The following UGT1A9 variants were observed in gnomAD, a reference collection of about 807,000 sequenced individuals.
UGT1A9 encodes the protein UDP-glucuronosyltransferase 1A9.
A neutral mutation model predicts 45.0 loss-of-function variants in UGT1A9; 35 were observed. The observed-to-expected ratio is 0.78, with a 90% CI of 0.59 to 1.03. The LOEUF (loss-of-function observed/expected upper bound fraction) is 1.03. UGT1A9 is among the 50% of genes least tolerant of loss of function. UGT1A9 has a pLI of 0.00. For missense variants in UGT1A9, 687 were observed against 666.6 expected (o/e 1.03, Z -0.34); for synonymous variants, 278 against 250.6 (o/e 1.11, Z -1.03).
At chr2:233,721,327 T>A (rs1446598744) in intron 1 of UGT1A9, among the ~76,000 whole-genome samples, 1 of 152,156 alleles carries the variant, frequency 6.6e-6, no homozygotes, top group Admixed American at 6.5e-5. Flanking sequence ...TTCTTGTGGT[T>A]TTTCACTATG....
At chr2:233,768,006 T>C in intron 3 of UGT1A9, 70 bp downstream of exon 3, 1 of 1,614,080 alleles carries the variant, frequency 6.2e-7, no homozygotes, top group South Asian at 1.1e-5. Context: ...AGCACAGCTA[T>C]TCTAAAGGAT....
chr2:233,767,827 C>T (rs1252355867), intron 2 of UGT1A9, 22 bp from the exon 3 acceptor site: 1 of 1,614,176 alleles, frequency 6.2e-7, no homozygotes, highest in Non-Finnish European at 8.5e-7. Flanking sequence ...TCTTTACGTT[C>T]TGCTCTTTTT....
chr2:233,713,117 C>T (rs1559358887), intron 1 of UGT1A9: 1 of 1,614,102 alleles, frequency 6.2e-7, no homozygotes, highest in Non-Finnish European at 8.5e-7. Flanking sequence ...GCCACTGGCT[C>T]AGCATGCGGG....
rs945545582 is a variant in UGT1A9, at chr2:233,772,813, G to A, written c.*254G>A. On this transcript the variant is annotated 3_prime_UTR_variant, in exon 5 of 5. Coordinates refer to ENST00000354728, the MANE Select transcript of UGT1A9 (RefSeq NM_021027.3). ...TGACATGTGCCATTTTTCAGAGGAC[G>A]TGCAGACAGGCTGGCATTCTAGATT... 2 of 1,026,302 alleles carry A rather than the reference G, an allele frequency of 1.9e-6. No individual in the cohort carries two copies. Among genetic ancestry groups the A allele is most frequent in the Admixed American group, 3.1e-5 (1 of 32,076 alleles). 63.6% of individuals were successfully genotyped at this position (1,026,302 alleles called of 1,614,324 possible).
intron 1 of UGT1A9, among the ~76,000 whole-genome samples, chr2:233,695,066 C>T (rs575360718): frequency 6.6e-6 from 1 of 152,092 alleles, no homozygotes; most frequent in African/African-American, 2.4e-5. Flanking sequence ...TGTGCTATCG[C>T]ACTTTGGACT....
chr2:233,750,292 G>T (rs1321063731), intron 1 of UGT1A9, among the ~76,000 whole-genome samples: 1 of 151,952 alleles, frequency 6.6e-6, no homozygotes, highest in Non-Finnish European at 1.5e-5. Context: ...GTGGCATTTT[G>T]CCCCTGCCCT....
At chr2:233,751,940 C>A (rs1176362402) in intron 1 of UGT1A9, among the ~76,000 whole-genome samples, 1 of 152,072 alleles carries the variant, frequency 6.6e-6, no homozygotes, top group Non-Finnish European at 1.5e-5. Flanking sequence ...TGAAGTTATA[C>A]TGAAAGGGTT....
At chr2:233,752,965 A>C (rs1252890509) in intron 1 of UGT1A9, among the ~76,000 whole-genome samples, 1 of 152,202 alleles carries the variant, frequency 6.6e-6, no homozygotes, top group East Asian at 1.9e-4. Flanking sequence ...GATTTATGTA[A>C]CCAATTGTGT....
chr2:233,708,241 G>A (rs1272155172), intron 1 of UGT1A9, among the ~76,000 whole-genome samples: 1 of 152,164 alleles, frequency 6.6e-6, no homozygotes, highest in Non-Finnish European at 1.5e-5. Flanking sequence ...CAATGTATAA[G>A]TGTACACTTT....
chr2:233,713,582 A>G (rs2076331965), intron 1 of UGT1A9: 26 of 1,613,952 alleles, frequency 1.6e-5, no homozygotes, highest in Non-Finnish European at 2.2e-5. Context: ...TTCCTAGATT[A>G]CTAACGACCA....
chr2:233,728,563 T>C (rs1454044996), intron 1 of UGT1A9, among the ~76,000 whole-genome samples: 1 of 152,134 alleles, frequency 6.6e-6, no homozygotes, highest in African/African-American at 2.4e-5. Flanking sequence ...TTACAAGAAA[T>C]ATCCTGGTGC....
chr2:233,721,870 C>G (rs905859628), intron 1 of UGT1A9: 1 of 500,564 alleles, frequency 2.0e-6, no homozygotes, highest in Non-Finnish European at 4.0e-6. Context: ...CCTGGGCACA[C>G]TTGCCAGCCC....
chr2:233,719,682 T>C lies in UGT1A9; in HGVS notation c.855+46893T>C, dbSNP rs2076795429. 1 of 1,613,968 alleles carries C rather than the reference T, an allele frequency of 6.2e-7. No individual in the cohort carries two copies. Among genetic ancestry groups the C allele is most frequent in the Admixed American group, 1.7e-5 (1 of 60,002 alleles). The stretch of plus-strand genomic sequence containing the variant: ...CAACTGTGCCAACGGGAAGCCACTA[T>C]CTCAGGTCTGTATTGGTGCCTTCAT... On this transcript the variant is annotated intron_variant, in intron 1 of 4. Transcript: ENST00000354728.
At position 233,767,873 on chromosome 2, in the gene UGT1A9, C is replaced by T. The variant is rs72551349; in HGVS notation, c.1012C>T (p.Arg338Ter). 2.0e-5 allele frequency: 32 copies of T among 1,614,038 alleles called. No homozygotes were observed. Among genetic ancestry groups the T allele is most frequent in the South Asian group, 1.5e-4 (14 of 91,082 alleles). The change falls in exon 3 of 5, where the codon CGA becomes TGA. Residue 338 changes from arginine (R) to a stop codon, truncating the protein, a stop_gained. Transcript: ENST00000354728. LOFTEE classifies it high-confidence loss of function. Reference sequence around the variant, plus strand: ...GGTCCTGTGGCGGTACACTGGAACCCGACCATCGAATCTTGCGAACAACAC... The same window carrying T: ...GGTCCTGTGGCGGTACACTGGAACCTGACCATCGAATCTTGCGAACAACAC... ...QTVLWRYTGT[R>*]PSNLANNTIL...
intron 1 of UGT1A9, among the ~76,000 whole-genome samples, chr2:233,727,549 C>T (rs1232390825): frequency 6.6e-6 from 1 of 152,198 alleles, no homozygotes; most frequent in Non-Finnish European, 1.5e-5. Context: ...CACCCGTCAC[C>T]TGGGCTCATC....
intron 1 of UGT1A9, chr2:233,682,626 T>A (rs1248944936): frequency 6.2e-7 from 1 of 1,613,904 alleles, no homozygotes; most frequent in East Asian, 2.2e-5. Context: ...GTCTTAGAAA[T>A]AGCCTCTGAA....
At chr2:233,697,377 A>G (rs556619948) in intron 1 of UGT1A9, among the ~76,000 whole-genome samples, 1 of 152,202 alleles carries the variant, frequency 6.6e-6, no homozygotes, top group East Asian at 1.9e-4. Context: ...AGAGTTCACA[A>G]TAATCGCTAA....
At chr2:233,713,944 A>G (rs2076357892) in intron 1 of UGT1A9, 2 of 1,609,792 alleles carry the variant, frequency 1.2e-6, no homozygotes, top group East Asian at 2.2e-5. Flanking sequence ...TTCCATATCT[A>G]CTTATCTTTC....
At chr2:233,731,212 T>A (rs1194990804) in intron 1 of UGT1A9, among the ~76,000 whole-genome samples, 1 of 152,156 alleles carries the variant, frequency 6.6e-6, no homozygotes, top group Non-Finnish European at 1.5e-5. Context: ...TACGTGTTTA[T>A]TTAGATTTGT....
Sources: gnomAD v4.1 joint callset for allele counts (sites outside exome capture counted in the v4.1 genomes callset) on GRCh38, gnomAD v4.1.1 for gene constraint, MANE v1.5 for transcripts, NCBI Gene and HGNC (gene_info 2026-07-23, HGNC 2026-07-21) for gene names.